The following PTPRT variants were observed in gnomAD, a reference collection of about 807,000 sequenced individuals.
PTPRT encodes protein tyrosine phosphatase receptor type T.
A neutral mutation model predicts 176.8 loss-of-function variants in PTPRT; 56 were observed. The ratio of observed to expected loss-of-function variants is 0.32; its 90% CI spans 0.26 to 0.40. The LOEUF (loss-of-function observed/expected upper bound fraction) is 0.40, where lower values mean the gene tolerates loss of function less well. Ranked by LOEUF, PTPRT falls within the 10% of genes least tolerant of loss-of-function variation. The pLI, the probability that PTPRT is intolerant of heterozygous loss-of-function variation, is 1.00. For synonymous variants in PTPRT, 783 were observed against 739.0 expected (o/e 1.06, Z -0.96); for missense variants, 1,540 against 1,908.2 (o/e 0.81, Z 3.60).
At chr20:42,820,848 C>G (rs1426296681) in intron 2 of PTPRT, among the ~76,000 whole-genome samples, 1 of 152,140 alleles carries the variant, frequency 6.6e-6, no homozygotes, top group African/African-American at 2.4e-5. Context: ...ATACACTCAA[C>G]CAAGACTAAA....
rs779092071 is a variant in PTPRT, at chr20:42,352,224, T to G, written c.1622A>C (p.Lys541Thr). Residue 541 changes from lysine to threonine, a missense_variant, in exon 10 of 31, where the codon AAA becomes ACA. This residue lies in a region of PTPRT where 136 missense variants were observed against 135.0 expected (regional missense o/e 1.01). Transcript: ENST00000373187. ...GGTTTCATTCCGGAGCTTGAACACT[T>G]TCCCCCTCTGGCTCGAGAGGTCAGC... Reference protein sequence around the residue: ...PSADLSSQRGKVFKLRNETHH... With the variant: ...PSADLSSQRGTVFKLRNETHH... The G allele has an allele frequency of 1.2e-6, 2 of 1,614,026 alleles. No homozygotes were observed. Among genetic ancestry groups the G allele is most frequent in the African/African-American group, 2.7e-5 (2 of 74,900 alleles).
intron 2 of PTPRT, among the ~76,000 whole-genome samples, chr20:42,877,302 T>G (rs208195): frequency 0.27 from 40,934 of 151,986 alleles, 5,508 homozygotes; most frequent in African/African-American, 0.3. Flanking sequence ...TGAAAAGTCC[T>G]GGGCAGCAGG....
intron 16 of PTPRT, among the ~76,000 whole-genome samples, chr20:42,177,616 A>G (rs541027132): frequency 6.6e-6 from 1 of 152,234 alleles, no homozygotes; most frequent in Admixed American, 6.5e-5. Flanking sequence ...CTAGTACCGT[A>G]CAAGAGTCAT....
chr20:42,830,314 A>G (rs2078063043), intron 2 of PTPRT, among the ~76,000 whole-genome samples: 1 of 152,248 alleles, frequency 6.6e-6, no homozygotes, highest in Non-Finnish European at 1.5e-5. Context: ...AATAAACGTG[A>G]TTCATCACAC....
At chr20:42,976,445 G>A (rs550620365) in intron 1 of PTPRT, among the ~76,000 whole-genome samples, 10 of 150,764 alleles carry the variant, frequency 6.6e-5, no homozygotes, top group Admixed American at 4.0e-4. Flanking sequence ...TCGCTCTGTC[G>A]CCCAGGCTCA....
At chr20:42,825,835 G>A (rs777956824) in intron 2 of PTPRT, among the ~76,000 whole-genome samples, 4 of 152,062 alleles carry the variant, frequency 2.6e-5, no homozygotes, top group African/African-American at 9.7e-5. Flanking sequence ...ACTGAAGCCC[G>A]TATGTCCATC....
At chr20:42,114,169 A>G (rs1357639700) in intron 22 of PTPRT, among the ~76,000 whole-genome samples, 1 of 152,220 alleles carries the variant, frequency 6.6e-6, no homozygotes, top group Non-Finnish European at 1.5e-5. Flanking sequence ...CTATGGTGTA[A>G]TGGAAAGAGA....
In PTPRT at chr20:42,330,467, C is replaced by T. The variant is rs1252227114; in HGVS notation, c.1866-14471G>A. Reference sequence around the variant, plus strand: ...CTCCAGCCTGGGTGACAGAATGAGACTCCATCTCAAAAAAATAAAATAAAT... The same window carrying T: ...CTCCAGCCTGGGTGACAGAATGAGATTCCATCTCAAAAAAATAAAATAAAT... On this transcript the variant is annotated intron_variant, in intron 11 of 30. Coordinates refer to ENST00000373187, the MANE Select transcript of PTPRT (RefSeq NM_007050.6). Among the ~76,000 whole-genome samples the T allele has an allele frequency of 6.6e-5, 10 of 152,024 alleles. No homozygotes were observed. The South Asian group carries it at 2.1e-3, about 32-fold the overall frequency.
intron 9 of PTPRT, among the ~76,000 whole-genome samples, chr20:42,399,699 G>A (rs558975766): frequency 1.3e-5 from 2 of 152,196 alleles, no homozygotes; most frequent in African/African-American, 4.8e-5. Flanking sequence ...CTGGAGAGAG[G>A]CTCCTTTTTT....
At chr20:42,328,316 T>C (rs777149358) in intron 11 of PTPRT, among the ~76,000 whole-genome samples, 1 of 152,182 alleles carries the variant, frequency 6.6e-6, no homozygotes, top group Non-Finnish European at 1.5e-5. Context: ...TAGAGCCAGA[T>C]GGCTTTTCCA....
chr20:42,300,928 A>C, intron 12 of PTPRT, among the ~76,000 whole-genome samples: 1 of 150,384 alleles, frequency 6.6e-6, no homozygotes, highest in Non-Finnish European at 1.5e-5. Flanking sequence ...TGGACACAGG[A>C]AGGGGAACAT....
At chr20:42,798,347 A>C (rs1315612219) in intron 2 of PTPRT, among the ~76,000 whole-genome samples, 1 of 152,226 alleles carries the variant, frequency 6.6e-6, no homozygotes, top group African/African-American at 2.4e-5. Flanking sequence ...TGAAAGTGGC[A>C]CAAAGACATC....
the PTPRT span, chr20:42,063,732 G>A: frequency 1.3e-5 from 2 of 152,246 alleles, no homozygotes; most frequent in African/African-American, 2.4e-5. Flanking sequence ...TGTCTGGAGA[G>A]GTGAGAAGAC....
intron 13 of PTPRT, among the ~76,000 whole-genome samples, chr20:42,261,959 G>C (rs1345348885): frequency 6.6e-6 from 1 of 152,160 alleles, no homozygotes; most frequent in Non-Finnish European, 1.5e-5. Context: ...GGGCACGGGA[G>C]GAAGCAGGCA....
At chr20:43,060,117 C>T (rs1987394506) in intron 1 of PTPRT, among the ~76,000 whole-genome samples, 1 of 152,036 alleles carries the variant, frequency 6.6e-6, no homozygotes, top group East Asian at 1.9e-4. Flanking sequence ...AAGCCTGTTC[C>T]ACATTTTCAG....
intron 17 of PTPRT, among the ~76,000 whole-genome samples, chr20:42,155,237 C>A (rs559053964): frequency 1.3e-5 from 2 of 152,202 alleles, no homozygotes. Flanking sequence ...AACTCTAATG[C>A]GCAACCCAAA....
intron 1 of PTPRT, among the ~76,000 whole-genome samples, chr20:43,162,130 A>G (rs1232609335): frequency 6.6e-6 from 1 of 152,202 alleles, no homozygotes; most frequent in Non-Finnish European, 1.5e-5. Context: ...AAATAAAAAC[A>G]CACACTAAAA....
intron 7 of PTPRT, among the ~76,000 whole-genome samples, chr20:42,629,588 G>A (rs2074365771): frequency 6.6e-6 from 1 of 152,178 alleles, no homozygotes; most frequent in Admixed American, 6.5e-5. Context: ...TATATTCTGA[G>A]TGTTCCTCCA....
At chr20:42,707,508 G>A (rs2076078668) in intron 6 of PTPRT, among the ~76,000 whole-genome samples, 1 of 152,166 alleles carries the variant, frequency 6.6e-6, no homozygotes, top group Non-Finnish European at 1.5e-5. Flanking sequence ...TTGAGAGACA[G>A]GCTCCATTTT....
Sources: allele counts gnomAD v4.1 joint callset (sites outside exome capture counted in the v4.1 genomes callset), GRCh38; gene constraint gnomAD v4.1.1; regional missense constraint gnomAD v4.1.1; transcripts MANE v1.5; gene names NCBI Gene and HGNC (gene_info 2026-07-23, HGNC 2026-07-21).